ABHD11: variants seen among roughly 807,000 people sequenced by gnomAD.
ABHD11 encodes the protein sn-1-specific diacylglycerol lipase ABHD11.
Under a neutral mutation model 29.0 loss-of-function variants are expected in ABHD11, and 26 were observed. That is an observed-to-expected ratio of 0.90 (90% CI 0.66 to 1.24). The LOEUF (loss-of-function observed/expected upper bound fraction) is 1.24, where lower values mean the gene tolerates loss of function less well. Ranked by LOEUF, ABHD11 falls within the 50% of genes most tolerant of loss-of-function variation. The probability of loss-of-function intolerance (pLI) is 0.00; values close to 1 mark genes in which losing one functional copy is unlikely to be tolerated. For synonymous variants in ABHD11, 169 were observed against 166.4 expected, an observed-to-expected ratio of 1.02 and a Z score of -0.12; for missense variants, 381 against 422.4, an observed-to-expected ratio of 0.90 and a Z score of 0.86.
Position 73,736,701 on chromosome 7 carries a change from G to A in ABHD11, c.789-10C>T, listed in dbSNP as rs374362437. Reference sequence around the variant, plus strand: ...AGGGTGGTGGCTGGGACTGTGCATCGCAGCGACGGCCATCAAAAACGGGTG... The same window carrying A: ...AGGGTGGTGGCTGGGACTGTGCATCACAGCGACGGCCATCAAAAACGGGTG... On this transcript the variant is annotated splice_polypyrimidine_tract_variant and intron_variant, in intron 5 of 5. Coordinates refer to ENST00000222800, the MANE Select transcript of ABHD11 (RefSeq NM_148912.4). 1.1e-5 allele frequency: 17 copies of A among 1,613,322 alleles called. No individual in the cohort carries two copies. Among genetic ancestry groups the A allele is most frequent in the East Asian group, 6.7e-5 (3 of 44,888 alleles).
Position 73,738,226 on chromosome 7 carries a change from G to C in ABHD11, c.261+102C>G. On this transcript the variant is annotated intron_variant, in intron 2 of 5. Coordinates refer to ENST00000222800, the MANE Select transcript of ABHD11 (RefSeq NM_148912.4). ...GGTCCATACTCAGAGTGAGGGATCT[G>C]GAAGTGAGCGTGAGAAGCGGGACCC... 3.4e-6 allele frequency: 5 copies of C among 1,477,534 alleles called. No homozygotes were observed. In the South Asian group the frequency reaches 6.2e-5, roughly 18 times the overall value. 91.5% of individuals were successfully genotyped at this position (1,477,534 alleles called of 1,614,324 possible).
In ABHD11 at chr7:73,736,612, G is replaced by A. The variant is rs140728534; in HGVS notation, c.868C>T (p.His290Tyr). ...QTVPNAGHWI[H>Y]ADRPQDFIAA... ...ATGAAGTCCTGTGGGCGGTCAGCGT[G>A]GATCCAGTGGCCAGCGTTCGGCACC... Residue 290 changes from histidine (H) to tyrosine (Y), a missense_variant, in exon 6 of 6, where the codon CAC (histidine) becomes TAC (tyrosine). Physicochemically the swap from His to Tyr is moderately conservative, Grantham distance 83. Coordinates refer to ENST00000222800, the MANE Select transcript of ABHD11 (RefSeq NM_148912.4). The A allele has an allele frequency of 6.2e-7, 1 of 1,613,918 alleles. No individual in the cohort carries two copies. Among genetic ancestry groups the A allele is most frequent in the Non-Finnish European group, 8.5e-7 (1 of 1,180,024 alleles).
rs1554622034 is a variant in ABHD11, at chr7:73,736,997, G to A, written c.720C>T (p.Phe240=). 3 of 1,613,942 alleles carry A rather than the reference G, an allele frequency of 1.9e-6. No individual in the cohort carries two copies. Among genetic ancestry groups the A allele is most frequent in the Non-Finnish European group, 2.5e-6 (3 of 1,179,982 alleles). Residue 240 remains phenylalanine (F), a synonymous_variant, in exon 5 of 6, where the codon TTC becomes TTT. Coordinates refer to ENST00000222800, the MANE Select transcript of ABHD11 (RefSeq NM_148912.4). ...CGAGGTAGGACTCCTGCCTCTGTGG[G>A]AAAGCCAAGATCTTGTCTAGGTGCT... The part of the protein sequence containing the change: ...LTQHLDKILA[F]PQRQESYLGP...
chr7:73,737,778 C>T (rs782122311), intron 2 of ABHD11, 43 bp from the exon 3 acceptor site: 2 of 1,579,486 alleles, frequency 1.3e-6, no homozygotes, highest in Non-Finnish European at 1.7e-6. Context: ...TATCCCCATT[C>T]TGGGGGTAGA....
intron 2 of ABHD11, 187 bp downstream of exon 2, chr7:73,738,141 A>T: frequency 9.3e-7 from 1 of 1,077,056 alleles, no homozygotes; most frequent in South Asian, 1.4e-5. Flanking sequence ...CCCGATGGAG[A>T]TCTACAACAT....
In ABHD11 at chr7:73,736,138, C is replaced by A. The variant is rs1225807440; in HGVS notation, c.*421G>T. ...TTCATTAAAGCCTGAGGTCTGACCA[C>A]CCCTGTAAAACCTCGTGCCCACACA... On this transcript the variant is annotated 3_prime_UTR_variant, in exon 6 of 6. Transcript: ENST00000222800. The A allele has an allele frequency of 2.2e-6, 1 of 457,138 alleles. No individual in the cohort carries two copies. The highest frequency in any genetic ancestry group is 4.4e-6 in the Non-Finnish European group (1 of 227,338). The allele number at this position is 457,138 out of a possible 1,614,324, so 28.3% of individuals were successfully genotyped here. A position where few individuals can be genotyped will look rare whatever the true frequency, so the allele number is the denominator to read the frequency against.
chr7:73,738,412 G>A lies in ABHD11; in HGVS notation c.177C>T (p.Ala59=), dbSNP rs1554622811. The A allele has an allele frequency of 3.1e-6, 5 of 1,611,692 alleles. No individual in the cohort carries two copies. Among genetic ancestry groups the A allele is most frequent in the Non-Finnish European group, 4.2e-6 (5 of 1,178,962 alleles). ...CGAAGAGCCCGTGCAAAAAGACGAC[G>A]GCCGGGAGGGCTGCCTCCCCGTCCA... ...RLLDGEAALP[A]VVFLHGLFGS... The change falls in exon 2 of 6, where the codon GCC becomes GCT. Residue 59 remains alanine, a synonymous_variant. Transcript: ENST00000222800.
intron 1 of ABHD11, 38 bp downstream of exon 1, chr7:73,738,608 G>A (rs1554622925): frequency 6.3e-7 from 1 of 1,576,878 alleles, no homozygotes; most frequent in Non-Finnish European, 8.6e-7. Flanking sequence ...GGAAAAGGAG[G>A]ACAGAGGATG....
chr7:73,737,477 C>T, intron 3 of ABHD11, 85 bp downstream of exon 3: 1 of 1,562,712 alleles, frequency 6.4e-7, no homozygotes, highest in Non-Finnish European at 8.7e-7. Context: ...CTTGGTCATC[C>T]AACGATCATG....
In ABHD11 at chr7:73,738,358, G is replaced by A. The variant is rs1554622769; in HGVS notation, c.231C>T (p.Ala77=). Residue 77 remains alanine, a synonymous_variant, in exon 2 of 6, where the codon GCC becomes GCT. Coordinates refer to ENST00000222800, the MANE Select transcript of ABHD11 (RefSeq NM_148912.4). ...GGCCTGTCTGCTGGGCCAAGATCTT[G>A]GCGATGGAGTTGAAGTTAGTTTTGC... The part of the protein sequence containing the change: ...FGSKTNFNSI[A]KILAQQTGRR... The A allele has an allele frequency of 2.6e-6, 4 of 1,532,350 alleles. No homozygotes were observed. Among genetic ancestry groups the A allele is most frequent in the Non-Finnish European group, 3.5e-6 (4 of 1,128,456 alleles). 94.9% of individuals were successfully genotyped at this position (1,532,350 alleles called of 1,614,324 possible).
In ABHD11 at chr7:73,737,608, C is replaced by T; in HGVS notation, c.389G>A (p.Gly130Asp). 1 of 1,613,418 alleles carries T rather than the reference C, an allele frequency of 6.2e-7. No individual in the cohort carries two copies. Among genetic ancestry groups the T allele is most frequent in the Non-Finnish European group, 8.5e-7 (1 of 1,179,686 alleles). The change falls in exon 3 of 6, where the codon GGC becomes GAC. Residue 130 changes from glycine to aspartate, a missense_variant. By Grantham distance (94) the Gly-to-Asp change is moderately conservative. Transcript: ENST00000222800. Reference sequence around the variant, plus strand: ...GGCTGTCTTTCCTCCCATGCTGTGGCCAACGACGACGCAGGGCACCAGGCC... The same window carrying T: ...GGCTGTCTTTCCTCCCATGCTGTGGTCAACGACGACGCAGGGCACCAGGCC... ...QLGLVPCVVVGHSMGGKTAML... is the reference protein window; with the variant it reads ...QLGLVPCVVVDHSMGGKTAML...
Position 73,737,046 on chromosome 7 carries a change from C to G in ABHD11, c.671G>C (p.Arg224Thr). ...LVEVDGRFVW[R>T]VNLDALTQHL... ...CTGGGTCAGGGCATCCAAGTTCACC[C>G]TCCACACGAAGCGCCCGTCTACCTC... The change falls in exon 5 of 6, where the codon AGG becomes ACG. Residue 224 changes from arginine to threonine, a missense_variant. Physicochemically the swap from Arg to Thr is moderately conservative, Grantham distance 71. Transcript: ENST00000222800. 1 of 1,614,130 alleles carries G rather than the reference C, an allele frequency of 6.2e-7. No homozygotes were observed. Among genetic ancestry groups the G allele is most frequent in the East Asian group, 2.2e-5 (1 of 44,878 alleles).
intron 5 of ABHD11, 67 bp from the exon 6 acceptor site, chr7:73,736,758 G>A (rs1052559125): frequency 2.6e-5 from 42 of 1,608,428 alleles, no homozygotes; most frequent in South Asian, 1.3e-4. Context: ...AAAGAGACAC[G>A]TGGAAGCAGA....
At position 73,736,177 on chromosome 7, in the gene ABHD11, T is replaced by G. The variant is rs1362958998; in HGVS notation, c.*382A>C. On this transcript the variant is annotated 3_prime_UTR_variant, in exon 6 of 6. Coordinates refer to ENST00000222800, the MANE Select transcript of ABHD11 (RefSeq NM_148912.4). The stretch of plus-strand genomic sequence containing the variant: ...CGTGCCCACACAGTGCCTGTCTGAG[T>G]CCTTCTGTGCCCAAATGTGGAGCAG... The G allele has an allele frequency of 2.2e-6, 1 of 458,978 alleles. No homozygotes were observed. The highest frequency in any genetic ancestry group is 2.0e-5 in the African/African-American group (1 of 50,200). 28.4% of individuals were successfully genotyped at this position (458,978 alleles called of 1,614,324 possible).
At position 73,736,449 on chromosome 7, in the gene ABHD11, AG is replaced by A. The variant is rs1294799799; in HGVS notation, c.*109del. On this transcript the variant is annotated 3_prime_UTR_variant, in exon 6 of 6. Transcript: ENST00000222800. ...GAGACAGGGTTTCACCATGTTGGCC[AG>A]GCTGGTCTCCAACTCCTGGCCTCAA... 4.2e-6 allele frequency: 6 copies of A among 1,435,574 alleles called. No individual in the cohort carries two copies. The African/African-American group carries it at 8.4e-5, about 20-fold the overall frequency. 88.9% of individuals were successfully genotyped at this position (1,435,574 alleles called of 1,614,324 possible).
intron 5 of ABHD11, 69 bp downstream of exon 5, chr7:73,736,860 C>G (rs1799934156): frequency 6.3e-7 from 1 of 1,577,834 alleles, no homozygotes; most frequent in Admixed American, 1.7e-5. Flanking sequence ...AAGGCCTCCC[C>G]TGGTAGGGTC....
In ABHD11 at chr7:73,737,279, T is replaced by C; in HGVS notation, c.548A>G (p.Glu183Gly). The change falls in exon 4 of 6, where the codon GAG becomes GGG. Residue 183 changes from glutamate to glycine, a missense_variant. Physicochemically the swap from Glu to Gly is moderately conservative, Grantham distance 98 (BLOSUM62 -2). Transcript: ENST00000222800. Reference sequence around the variant, plus strand: ...TTTTCGGGCACGGGAGCGGGGCAGCTCATCTGCGATGTTGATGGCCCTCAT... The same window carrying C: ...TTTTCGGGCACGGGAGCGGGGCAGCCCATCTGCGATGTTGATGGCCCTCAT... The part of the protein sequence containing the change: ...AAMRAINIAD[E>G]LPRSRARKLA... 1 of 1,614,102 alleles carries C rather than the reference T, an allele frequency of 6.2e-7. No individual in the cohort carries two copies. Among genetic ancestry groups the C allele is most frequent in the Non-Finnish European group, 8.5e-7 (1 of 1,180,034 alleles).
At chr7:73,736,771 G>A (rs1429820218) in intron 5 of ABHD11, 80 bp from the exon 6 acceptor site, 6 of 1,603,328 alleles carry the variant, frequency 3.7e-6, no homozygotes, top group African/African-American at 1.3e-5. Context: ...GAAGCAGAAC[G>A]GGGAGAAATG....
At chr7:73,737,471 G>C in intron 3 of ABHD11, 80 bp from the exon 4 acceptor site, 2 of 1,563,820 alleles carry the variant, frequency 1.3e-6, no homozygotes, top group Non-Finnish European at 1.7e-6. Context: ...CCTGAACTTG[G>C]TCATCCAACG....
Sources: allele counts gnomAD v4.1 joint callset, GRCh38; gene constraint gnomAD v4.1.1; transcripts MANE v1.5; gene names NCBI Gene and HGNC (gene_info 2026-07-23, HGNC 2026-07-21).